SMARCA5: variants seen among roughly 807,000 people sequenced by gnomAD.
SMARCA5 encodes the protein SWI/SNF-related matrix-associated actin-dependent regulator of chromatin subfamily A member 5.
SMARCA5 carries 18 observed loss-of-function variants against 140.4 expected under a neutral mutation model. The observed-to-expected ratio is 0.13, with a 90% CI of 0.09 to 0.19. SMARCA5 has a LOEUF of 0.19. Ranked by LOEUF, SMARCA5 falls within the 10% of genes least tolerant of loss-of-function variation. SMARCA5 has a pLI of 1.00. For synonymous variants in SMARCA5, 449 were observed against 419.6 expected, an observed-to-expected ratio of 1.07 and a Z score of -0.86; for missense variants, 606 against 1,276.8, an observed-to-expected ratio of 0.47 and a Z score of 8.01.
chr4:143,536,533 A>G lies in SMARCA5; in HGVS notation c.1350A>G (p.Leu450=), dbSNP rs1737308546. Residue 450 remains leucine, a synonymous_variant, in exon 11 of 24, where the codon CTA becomes CTG. Coordinates refer to ENST00000283131, the MANE Select transcript of SMARCA5 (RefSeq NM_003601.4). ...ACAAAATGAGGTTATTGAACATCCT[A>G]ATGCAGTTGAGAAAATGTTGTAATC... The part of the protein sequence containing the change: ...KMDKMRLLNI[L]MQLRKCCNHP... 4 of 1,613,876 alleles carry G rather than the reference A, an allele frequency of 2.5e-6. No individual in the cohort carries two copies. Among genetic ancestry groups the G allele is most frequent in the Non-Finnish European group, 3.4e-6 (4 of 1,179,776 alleles).
At chr4:143,521,630 A>G in intron 3 of SMARCA5, 35 bp downstream of exon 3, 1 of 1,542,880 alleles carries the variant, frequency 6.5e-7, no homozygotes, top group South Asian at 1.2e-5. Flanking sequence ...GTTCAACCAA[A>G]CTTATTTTCG....
At chr4:143,525,374 A>G in intron 4 of SMARCA5, 77 bp from the exon 5 acceptor site, 2 of 869,450 alleles carry the variant, frequency 2.3e-6, no homozygotes, top group Admixed American at 1.8e-5. Flanking sequence ...GTCAGTAGAT[A>G]TGTGTAGGCT....
rs1320715970 is a variant in SMARCA5, at chr4:143,553,539, A to G, written c.*355A>G. 1.1e-5 allele frequency: 2 copies of G among 181,028 alleles called. No homozygotes were observed. Among genetic ancestry groups the G allele is most frequent in the African/African-American group, 4.7e-5 (2 of 42,132 alleles). The allele number at this position is 181,028 out of a possible 1,614,324, so 11.2% of individuals were successfully genotyped here. A position where few individuals can be genotyped will look rare whatever the true frequency, so the allele number is the denominator to read the frequency against. Reference sequence around the variant, plus strand: ...AAACAAGTTAAAAAGAAAATTGCAAATAACATTTGTCCCTTTCAGTCTTCA... The same window carrying G: ...AAACAAGTTAAAAAGAAAATTGCAAGTAACATTTGTCCCTTTCAGTCTTCA... On this transcript the variant is annotated 3_prime_UTR_variant, in exon 24 of 24. Coordinates refer to ENST00000283131, the MANE Select transcript of SMARCA5 (RefSeq NM_003601.4).
intron 14 of SMARCA5, among the ~76,000 whole-genome samples, chr4:143,543,251 A>G (rs1207192394): frequency 1.3e-5 from 2 of 152,222 alleles, no homozygotes; most frequent in African/African-American, 2.4e-5. Context: ...ACAAAAGATT[A>G]TATTTCGTTG....
chr4:143,521,952 A>G (rs1432153361), intron 3 of SMARCA5, among the ~76,000 whole-genome samples: 1 of 151,376 alleles, frequency 6.6e-6, no homozygotes, highest in Admixed American at 6.6e-5. Context: ...TTTTTGTAGC[A>G]TTATATAGTT....
At chr4:143,541,122 A>G (rs1441116517) in intron 14 of SMARCA5, among the ~76,000 whole-genome samples, 4 of 152,184 alleles carry the variant, frequency 2.6e-5, no homozygotes, top group African/African-American at 9.7e-5. Flanking sequence ...TTTTGGATCA[A>G]TTGAAGGAAA....
At chr4:143,542,565 A>G (rs1260264548) in intron 14 of SMARCA5, among the ~76,000 whole-genome samples, 2 of 152,190 alleles carry the variant, frequency 1.3e-5, no homozygotes, top group Non-Finnish European at 2.9e-5. Context: ...TGGGTCCCAA[A>G]CCATGATACA....
At chr4:143,531,883 C>G (rs1457201174) in intron 9 of SMARCA5, among the ~76,000 whole-genome samples, 2 of 152,248 alleles carry the variant, frequency 1.3e-5, no homozygotes, top group Non-Finnish European at 1.5e-5. Flanking sequence ...ATCACCTCCA[C>G]TGAACCAGCC....
chr4:143,539,026 C>A, intron 13 of SMARCA5, 88 bp downstream of exon 13: 2 of 1,149,474 alleles, frequency 1.7e-6, no homozygotes, highest in Non-Finnish European at 1.2e-6. Context: ...TGACTTAACC[C>A]AATAGAATTT....
chr4:143,530,320 C>T, intron 8 of SMARCA5, 138 bp from the exon 9 acceptor site: 2 of 463,182 alleles, frequency 4.3e-6, no homozygotes, highest in Non-Finnish European at 7.5e-6. Flanking sequence ...ACATGAAAAC[C>T]AGGATTGGAC....
intron 22 of SMARCA5, among the ~76,000 whole-genome samples, chr4:143,548,766 A>G (rs2149825287): frequency 6.6e-6 from 1 of 152,212 alleles, no homozygotes; most frequent in East Asian, 1.9e-4. Context: ...AATGCTAATA[A>G]GTTCTTTAGT....
rs1173257458 is a variant in SMARCA5 at position 143,553,253 on chromosome 4, G to T, written c.*69G>T. 9.6e-7 allele frequency: 1 copy of T among 1,042,984 alleles called. No individual in the cohort carries two copies. Among genetic ancestry groups the T allele is most frequent in the Non-Finnish European group, 1.5e-6 (1 of 662,342 alleles). 64.6% of individuals were successfully genotyped at this position (1,042,984 alleles called of 1,614,324 possible). On this transcript the variant is annotated 3_prime_UTR_variant, in exon 24 of 24. Transcript: ENST00000283131. The stretch of plus-strand genomic sequence containing the variant: ...TTTAATTTACGGGTCTTCATAAGAT[G>T]TACTGTACAATGCTCAATTGTTATG...
chr4:143,521,774 G>A (rs1455913577), intron 3 of SMARCA5, among the ~76,000 whole-genome samples, 179 bp downstream of exon 3: 2 of 151,580 alleles, frequency 1.3e-5, no homozygotes, highest in Non-Finnish European at 2.9e-5. Flanking sequence ...TACGCATAAT[G>A]GTTAGAGCAC....
In SMARCA5 at chr4:143,513,775, C is replaced by T. The variant is rs576056217; in HGVS notation, c.-150C>T. On this transcript the variant is annotated 5_prime_UTR_variant, in exon 1 of 24. Transcript: ENST00000283131. ...GCAGCTCCTGGGCCCGGCTCAGGCC[C>T]GTCGCGGAGGCGCGGCGCAGGGGAG... 6.0e-5 allele frequency: 52 copies of T among 861,134 alleles called. No individual in the cohort carries two copies. Among genetic ancestry groups the T allele is most frequent in the Non-Finnish European group, 7.9e-5 (45 of 569,668 alleles). 53.3% of individuals were successfully genotyped at this position (861,134 alleles called of 1,614,324 possible). A position where few individuals can be genotyped will look rare whatever the true frequency, so the allele number is the denominator to read the frequency against.
rs1366214960 is a variant in SMARCA5, at chr4:143,556,618, A to G, written c.*3434A>G. On this transcript the variant is annotated 3_prime_UTR_variant, in exon 24 of 24. Coordinates refer to ENST00000283131, the MANE Select transcript of SMARCA5 (RefSeq NM_003601.4). ...AACGGAGTAGCTGTTACCAAAATAT[A>G]TACATATTTTGTATATGTACATAGC... The G allele has an allele frequency of 6.6e-6, 1 of 152,180 alleles. No homozygotes were observed. The highest frequency in any genetic ancestry group is 2.4e-5 in the African/African-American group (1 of 41,436). The allele number at this position is 152,180 out of a possible 1,614,324, so 9.4% of individuals were successfully genotyped here. A position where few individuals can be genotyped will look rare whatever the true frequency, so the allele number is the denominator to read the frequency against.
At chr4:143,534,533 C>T (rs1314948926) in intron 9 of SMARCA5, among the ~76,000 whole-genome samples, 1 of 152,172 alleles carries the variant, frequency 6.6e-6, no homozygotes, top group Admixed American at 6.5e-5. Context: ...ATAGCATTTA[C>T]ATTCCATTAA....
Position 143,514,110 on chromosome 4 carries a change from G to C in SMARCA5, c.177+9G>C, listed in dbSNP as rs1399080218. 6.5e-7 allele frequency: 1 copy of C among 1,528,116 alleles called. No individual in the cohort carries two copies. The highest frequency in any genetic ancestry group is 8.7e-7 in the Non-Finnish European group (1 of 1,144,754). The allele number at this position is 1,528,116 out of a possible 1,614,324, so 94.7% of individuals were successfully genotyped here. A position where few individuals can be genotyped will look rare whatever the true frequency, so the allele number is the denominator to read the frequency against. Reference sequence around the variant, plus strand: ...CAGACGCCGAGATGGAGGTGAGGGCGACTTGCGGCATGGGGAGCGGGTGCA... The same window carrying C: ...CAGACGCCGAGATGGAGGTGAGGGCCACTTGCGGCATGGGGAGCGGGTGCA... On this transcript the variant is annotated intron_variant, in intron 1 of 23. Transcript: ENST00000283131.
Position 143,527,952 on chromosome 4 carries a change from G to A in SMARCA5, c.886G>A (p.Val296Met), listed in dbSNP as rs1313931266. ...TGAAATGCTTATTAAAGAGAAGTCT[G>A]TGTTCAAAAAATTTAATTGGAGATA... is the stretch of plus-strand genomic sequence containing the variant. Reference protein sequence around the residue: ...SYEMLIKEKSVFKKFNWRYLV... With the variant: ...SYEMLIKEKSMFKKFNWRYLV... Residue 296 changes from valine (V) to methionine (M), a missense_variant, in exon 7 of 24, where the codon GTG becomes ATG. Transcript: ENST00000283131. 6.3e-7 allele frequency: 1 copy of A among 1,597,980 alleles called. No individual in the cohort carries two copies. Among genetic ancestry groups the A allele is most frequent in the Non-Finnish European group, 8.5e-7 (1 of 1,174,768 alleles).
intron 7 of SMARCA5, 56 bp downstream of exon 7, chr4:143,528,079 G>T: frequency 1.4e-6 from 2 of 1,381,742 alleles, no homozygotes; most frequent in Non-Finnish European, 1.9e-6. Flanking sequence ...TTAAAGTACA[G>T]ATTTTTTTTT....
Sources: allele counts gnomAD v4.1 joint callset (sites outside exome capture counted in the v4.1 genomes callset), GRCh38; gene constraint gnomAD v4.1.1; transcripts MANE v1.5; gene names NCBI Gene and HGNC (gene_info 2026-07-23, HGNC 2026-07-21).